TMEM260: variants seen among roughly 807,000 people sequenced by gnomAD.
The protein encoded by TMEM260 is transmembrane protein 260, also known as protein O-mannosyl-transferase TMEM260.
A neutral mutation model predicts 88.9 loss-of-function variants in TMEM260; 82 were observed. The ratio of observed to expected loss-of-function variants is 0.92; its 90% CI spans 0.77 to 1.11. The LOEUF (loss-of-function observed/expected upper bound fraction) is 1.11. Among genes scored for constraint, TMEM260 ranks in the 50% least tolerant of loss-of-function variants. The pLI, the probability that TMEM260 is intolerant of heterozygous loss-of-function variation, is 0.00. For missense variants in TMEM260, 902 were observed against 853.4 expected, an observed-to-expected ratio of 1.06 and a Z score of -0.71; for synonymous variants, 314 against 309.3, an observed-to-expected ratio of 1.02 and a Z score of -0.16.
intron 15 of TMEM260, among the ~76,000 whole-genome samples, chr14:56,637,830 G>C (rs1056766965): frequency 1.3e-5 from 2 of 150,180 alleles, no homozygotes; most frequent in African/African-American, 2.4e-5. Flanking sequence ...AGCAAATAGT[G>C]TGTTGGAGAC....
chr14:56,634,905 T>A lies in TMEM260; in HGVS notation c.1731T>A (p.Asp577Glu). The A allele has an allele frequency of 3.1e-6, 5 of 1,613,916 alleles. No homozygotes were observed. The highest frequency in any genetic ancestry group is 4.2e-6 in the Non-Finnish European group (5 of 1,179,888). ...YNWTEEYGRFDPSSWESVANE... is the reference protein window; with the variant it reads ...YNWTEEYGRFEPSSWESVANE... Reference sequence around the variant, plus strand: ...TGTTTTCTTGTAACTACAGGTTTGATCCATCTTCTTGGGAATCTGTGGCCA... The same window carrying A: ...TGTTTTCTTGTAACTACAGGTTTGAACCATCTTCTTGGGAATCTGTGGCCA... Residue 577 changes from aspartate to glutamate, a missense_variant, in exon 14 of 16, where the codon GAT becomes GAA. Transcript: ENST00000261556.
At chr14:56,636,679 A>C in intron 15 of TMEM260, 81 bp downstream of exon 15, 1 of 1,194,996 alleles carries the variant, frequency 8.4e-7, no homozygotes, top group Admixed American at 1.9e-5. Context: ...TAGAGGGTAT[A>C]TCACATTAGA....
chr14:56,615,643 A>G (rs1330908347), intron 7 of TMEM260: 1 of 227,052 alleles, frequency 4.4e-6, no homozygotes, highest in Non-Finnish European at 8.6e-6. Flanking sequence ...CTTCCTACCA[A>G]ACCAGTCGGG....
Position 56,625,499 on chromosome 14 carries a change from A to G in TMEM260, c.1516A>G (p.Asn506Asp), listed in dbSNP as rs1888194588. Reference sequence around the variant, plus strand: ...ATTACCTAGTGGAATGGTCACATTTAATCTTTATCATTTTCTTGAAGTAAA... The same window carrying G: ...ATTACCTAGTGGAATGGTCACATTTGATCTTTATCATTTTCTTGAAGTAAA... Reference protein sequence around the residue: ...GILPSGMVTFNLYHFLEVNKQ... With the variant: ...GILPSGMVTFDLYHFLEVNKQ... Residue 506 changes from asparagine to aspartate, a missense_variant, in exon 12 of 16, where the codon AAT (asparagine) becomes GAT (aspartate). Asn to Asp is a conservative substitution (Grantham distance 23). Coordinates refer to ENST00000261556, the MANE Select transcript of TMEM260 (RefSeq NM_017799.4). 1 of 1,604,102 alleles carries G rather than the reference A, an allele frequency of 6.2e-7. No individual in the cohort carries two copies. Among genetic ancestry groups the G allele is most frequent in the African/African-American group, 1.3e-5 (1 of 74,714 alleles).
chr14:56,637,202 T>G (rs2139638453), intron 15 of TMEM260, among the ~76,000 whole-genome samples: 1 of 152,354 alleles, frequency 6.6e-6, no homozygotes, highest in Non-Finnish European at 1.5e-5. Flanking sequence ...TGTTGTTTAT[T>G]TGTTACAGTG....
chr14:56,647,579 C>A lies in TMEM260; in HGVS notation c.*82C>A. On this transcript the variant is annotated 3_prime_UTR_variant, in exon 16 of 16. Transcript: ENST00000261556. ...GAAGTTTTTCCTTCAAGAAAAGAAA[C>A]TGCATAAAAAATTTAAAACTAAGTC... is the stretch of plus-strand genomic sequence containing the variant. 1 of 1,460,280 alleles carries A rather than the reference C, an allele frequency of 6.8e-7. No individual in the cohort carries two copies. Among genetic ancestry groups the A allele is most frequent in the Non-Finnish European group, 9.1e-7 (1 of 1,102,042 alleles). The allele number at this position is 1,460,280 out of a possible 1,614,324, so 90.5% of individuals were successfully genotyped here.
At position 56,647,700 on chromosome 14, in the gene TMEM260, T is replaced by G; in HGVS notation, c.*203T>G. 1.8e-6 allele frequency: 1 copy of G among 557,844 alleles called. No homozygotes were observed. Among genetic ancestry groups the G allele is most frequent in the South Asian group, 2.6e-5 (1 of 38,662 alleles). 34.6% of individuals were successfully genotyped at this position (557,844 alleles called of 1,614,324 possible). A position where few individuals can be genotyped will look rare whatever the true frequency, so the allele number is the denominator to read the frequency against. On this transcript the variant is annotated 3_prime_UTR_variant, in exon 16 of 16. Coordinates refer to ENST00000261556, the MANE Select transcript of TMEM260 (RefSeq NM_017799.4). Reference sequence around the variant, plus strand: ...TTTATGCAAAATTCTGTTTATCCCGTGTTACCAAATTACCATTTCAGTGAG... The same window carrying G: ...TTTATGCAAAATTCTGTTTATCCCGGGTTACCAAATTACCATTTCAGTGAG...
intron 9 of TMEM260, among the ~76,000 whole-genome samples, chr14:56,617,712 G>C (rs1169283063): frequency 6.6e-6 from 1 of 151,984 alleles, no homozygotes; most frequent in Non-Finnish European, 1.5e-5. Context: ...TGTTTTCTTT[G>C]GCAGCAGTCT....
intron 12 of TMEM260, among the ~76,000 whole-genome samples, chr14:56,629,120 TC>T: frequency 6.6e-6 from 1 of 152,220 alleles, no homozygotes; most frequent in East Asian, 1.9e-4. Context: ...GGTCTTGAAC[TC>T]CTGACCTCAA....
intron 4 of TMEM260, 40 bp from the exon 5 acceptor site, chr14:56,605,530 T>G: frequency 8.6e-7 from 1 of 1,166,038 alleles, no homozygotes; most frequent in Non-Finnish European, 1.2e-6. Flanking sequence ...GAGTTTTAGG[T>G]GAATTTTTTA....
At chr14:56,579,724 G>T (rs557251884), upstream of TMEM260, 39 of 426,938 alleles carry the variant, frequency 9.1e-5, no homozygotes, top group Non-Finnish European at 1.5e-4. Flanking sequence ...GCAGGGCCTG[G>T]CTCAAGGGAG....
chr14:56,661,451 A>C, the TMEM260 span, among the ~76,000 whole-genome samples: 1 of 151,390 alleles, frequency 6.6e-6, no homozygotes. Flanking sequence ...AGTGTTACCC[A>C]ATCTTAAAAT....
intron 15 of TMEM260, among the ~76,000 whole-genome samples, chr14:56,645,443 T>C (rs1889897625): frequency 6.8e-6 from 1 of 147,414 alleles, no homozygotes; most frequent in South Asian, 2.1e-4. Flanking sequence ...AATTGAACAA[T>C]GAGAACACAT....
intron 3 of TMEM260, among the ~76,000 whole-genome samples, chr14:56,600,446 T>G (rs1886506853): frequency 6.6e-6 from 1 of 152,058 alleles, no homozygotes; most frequent in Non-Finnish European, 1.5e-5. Flanking sequence ...AGAAACATAG[T>G]AAAATGAAGT....
Position 56,615,932 on chromosome 14 carries a change from TG to T in TMEM260, c.858-11del. 6.3e-7 allele frequency: 1 copy of T among 1,599,078 alleles called. No homozygotes were observed. The highest frequency in any genetic ancestry group is 8.6e-7 in the Non-Finnish European group (1 of 1,167,106). On this transcript the variant is annotated splice_polypyrimidine_tract_variant and intron_variant, in intron 7 of 15. Transcript: ENST00000261556. ...GTTTCCTGCCAACAATAAGTTAGAT[TG>T]TTTTTTGCAGTTCTCAAGTAACAAA...
intron 3 of TMEM260, among the ~76,000 whole-genome samples, chr14:56,596,381 A>T (rs948569347): frequency 1.3e-4 from 17 of 126,576 alleles, no homozygotes; most frequent in Admixed American, 9.0e-4. Flanking sequence ...TATATGTGAG[A>T]GTGTGTGTGT....
intron 12 of TMEM260, among the ~76,000 whole-genome samples, chr14:56,628,596 T>C (rs1384349071): frequency 6.6e-6 from 1 of 152,186 alleles, no homozygotes; most frequent in African/African-American, 2.4e-5. Flanking sequence ...CTTCATTGCA[T>C]TGTATTTGTA....
At position 56,647,572 on chromosome 14, in the gene TMEM260, A is replaced by C; in HGVS notation, c.*75A>C. 3 of 1,480,268 alleles carry C rather than the reference A, an allele frequency of 2.0e-6. No homozygotes were observed. The highest frequency in any genetic ancestry group is 2.7e-6 in the Non-Finnish European group (3 of 1,115,730). The allele number at this position is 1,480,268 out of a possible 1,614,324, so 91.7% of individuals were successfully genotyped here. A position where few individuals can be genotyped will look rare whatever the true frequency, so the allele number is the denominator to read the frequency against. ...AAGTCTGGAAGTTTTTCCTTCAAGA[A>C]AAGAAACTGCATAAAAAATTTAAAA... On this transcript the variant is annotated 3_prime_UTR_variant, in exon 16 of 16. Transcript: ENST00000261556.
chr14:56,585,819 T>C lies in TMEM260; in HGVS notation c.251T>C (p.Leu84Pro). ...CTGGTGGCTAAACTGGCAATTACAC[T>C]GTTTCCTTTTGGTTCAATTGCCTAC... is the stretch of plus-strand genomic sequence containing the variant. ...FTLVAKLAIT[L>P]FPFGSIAYRV... The change falls in exon 3 of 16, where the codon CTG (leucine) becomes CCG (proline). Residue 84 changes from leucine (L) to proline (P), a missense_variant. Coordinates refer to ENST00000261556, the MANE Select transcript of TMEM260 (RefSeq NM_017799.4). The C allele has an allele frequency of 6.2e-7, 1 of 1,613,772 alleles. No individual in the cohort carries two copies. The highest frequency in any genetic ancestry group is 8.5e-7 in the Non-Finnish European group (1 of 1,179,724).
Sources: gnomAD v4.1 joint callset for allele counts (sites outside exome capture counted in the v4.1 genomes callset) on GRCh38, gnomAD v4.1.1 for gene constraint, MANE v1.5 for transcripts, NCBI Gene and HGNC (gene_info 2026-07-23, HGNC 2026-07-21) for gene names.